Variants in KMT2C observed in about 807,000 individuals in gnomAD.
KMT2C encodes the protein histone-lysine N-methyltransferase 2C.
KMT2C carries 88 observed loss-of-function variants against 507.9 expected under a neutral mutation model. The ratio of observed to expected loss-of-function variants is 0.17; its 90% CI spans 0.15 to 0.21. The LOEUF is 0.21. Ranked by LOEUF, KMT2C falls within the 10% of genes least tolerant of loss-of-function variation. The pLI is 1.00. For synonymous variants in KMT2C, 2,049 were observed against 2,080.8 expected (o/e 0.98, Z 0.42); for missense variants, 4,954 against 5,957.8 (o/e 0.83, Z 5.55).
rs199939847 is a variant in KMT2C, at chr7:152,176,763, G to A, written c.8690C>T (p.Ser2897Phe). The A allele has an allele frequency of 1.9e-6, 3 of 1,614,154 alleles. No homozygotes were observed. The highest frequency in any genetic ancestry group is 3.3e-5 in the Admixed American group (2 of 60,030). Residue 2897 changes from serine to phenylalanine, a missense_variant, in exon 38 of 59, where the codon TCC (serine) becomes TTC (phenylalanine). Ser to Phe is a radical substitution (Grantham distance 155). Transcript: ENST00000262189. ...AGPSANVIQA[S>F]TQLPAQDVIN... is the part of the protein sequence containing the mutation. ...TACATCTTGAGCAGGTAGTTGAGTGGATGCCTGAATGACATTTGCACTGGG... is the reference window on the plus strand; with the variant it reads ...TACATCTTGAGCAGGTAGTTGAGTGAATGCCTGAATGACATTTGCACTGGG...
intron 42 of KMT2C, among the ~76,000 whole-genome samples, chr7:152,165,441 T>G (rs564087523): frequency 6.6e-6 from 1 of 152,312 alleles, no homozygotes; most frequent in African/African-American, 2.4e-5. Flanking sequence ...AAAATATACT[T>G]TATTAAACAT....
chr7:152,419,328 G>C (rs531077611), intron 1 of KMT2C, among the ~76,000 whole-genome samples: 1 of 152,184 alleles, frequency 6.6e-6, no homozygotes, highest in Admixed American at 6.5e-5. Context: ...TCCAGCCTGG[G>C]CAACAGAGCG....
At chr7:152,324,170 G>A (rs2096801865) in intron 3 of KMT2C, among the ~76,000 whole-genome samples, 2 of 151,536 alleles carry the variant, frequency 1.3e-5, no homozygotes, top group African/African-American at 4.8e-5. Flanking sequence ...AGGATACGAA[G>A]GTTGAGACAG....
chr7:152,139,354 G>A (rs539201444), intron 56 of KMT2C, 95 bp from the exon 57 acceptor site: 7 of 1,107,834 alleles, frequency 6.3e-6, no homozygotes, highest in South Asian at 1.3e-5. Flanking sequence ...GAAACTGAAC[G>A]GAACGGCAGC....
intron 1 of KMT2C, chr7:152,368,055 CT>C: frequency 1.2e-6 from 1 of 864,002 alleles, no homozygotes; most frequent in Non-Finnish European, 2.0e-6. Flanking sequence ...AGAAAATAAA[CT>C]TGCTAAAAAG....
chr7:152,182,028 A>G lies in KMT2C; in HGVS notation c.5832T>C (p.Asn1944=), dbSNP rs1016115598. 6.8e-6 allele frequency: 11 copies of G among 1,614,088 alleles called. No homozygotes were observed. Among genetic ancestry groups the G allele is most frequent in the Non-Finnish European group, 8.5e-6 (10 of 1,180,002 alleles). The change falls in exon 36 of 59, where the codon AAT becomes AAC. Residue 1944 remains asparagine (N), a synonymous_variant. Coordinates refer to ENST00000262189, the MANE Select transcript of KMT2C (RefSeq NM_170606.3). ...ATAAATCTCTGACAGGGGATGGCCTATTTGCTGTTGTCTCATTCATTTGAA... is the reference window on the plus strand; with the variant it reads ...ATAAATCTCTGACAGGGGATGGCCTGTTTGCTGTTGTCTCATTCATTTGAA... ...RPLQMNETTA[N]RPSPVRDLCS...
In KMT2C at chr7:152,330,688, C is replaced by T. The variant is rs1341155361; in HGVS notation, c.302G>A (p.Ser101Asn). ...EEDAEAEVDNSKQLIPTLQRS... is the reference protein window; with the variant it reads ...EEDAEAEVDNNKQLIPTLQRS... ...CTGAAGAGTTGGAATTAGCTGTTTG[C>T]TGTTATCCACTTCTGCTTCAGCATC... The change falls in exon 3 of 59, where the codon AGC becomes AAC. Residue 101 changes from serine (S) to asparagine (N), a missense_variant. Ser to Asn is a conservative substitution (Grantham distance 46). Transcript: ENST00000262189. The T allele has an allele frequency of 6.2e-7, 1 of 1,613,850 alleles. No individual in the cohort carries two copies. The highest frequency in any genetic ancestry group is 8.5e-7 in the Non-Finnish European group (1 of 1,179,748).
chr7:152,261,801 T>C (rs774785755), intron 9 of KMT2C, among the ~76,000 whole-genome samples: 5 of 152,218 alleles, frequency 3.3e-5, no homozygotes, highest in Non-Finnish European at 7.4e-5. Flanking sequence ...AGTGTAAATA[T>C]ACAAATCAGT....
chr7:152,336,029 T>C (rs2096931885), intron 2 of KMT2C, among the ~76,000 whole-genome samples: 1 of 152,142 alleles, frequency 6.6e-6, no homozygotes, highest in African/African-American at 2.4e-5. Flanking sequence ...CTAGCTATTA[T>C]TATTACTGGC....
At chr7:152,270,690 T>C (rs544402552) in intron 7 of KMT2C, among the ~76,000 whole-genome samples, 1 of 152,338 alleles carries the variant, frequency 6.6e-6, no homozygotes, top group East Asian at 1.9e-4. Flanking sequence ...GCCATTCAGT[T>C]TTCCTATTCA....
chr7:152,387,042 T>C (rs943074025), intron 1 of KMT2C, among the ~76,000 whole-genome samples: 10 of 152,176 alleles, frequency 6.6e-5, no homozygotes, highest in African/African-American at 2.2e-4. Context: ...TACTTTAAAG[T>C]AAAAAGATAT....
chr7:152,361,339 T>A (rs1454476836), intron 1 of KMT2C, among the ~76,000 whole-genome samples: 2 of 152,144 alleles, frequency 1.3e-5, no homozygotes, highest in African/African-American at 4.8e-5. Flanking sequence ...GGTGGGTGGA[T>A]CACGAGGTCA....
chr7:152,218,510 C>T (rs910157697), intron 23 of KMT2C, among the ~76,000 whole-genome samples: 8 of 152,028 alleles, frequency 5.3e-5, no homozygotes, highest in African/African-American at 1.7e-4. Context: ...TTACCTCTCA[C>T]CTGGACCATT....
At chr7:152,288,648 G>A (rs1292100663) in intron 6 of KMT2C, among the ~76,000 whole-genome samples, 7 of 152,030 alleles carry the variant, frequency 4.6e-5, no homozygotes, top group South Asian at 2.1e-4. Context: ...GGAACATGAC[G>A]CAGCTGAACA....
At chr7:152,309,919 G>T in intron 6 of KMT2C, 47 bp downstream of exon 6, 1 of 1,170,744 alleles carries the variant, frequency 8.5e-7, no homozygotes, top group Non-Finnish European at 1.3e-6. Context: ...TCTGATTAAA[G>T]TGAATGTTAT....
At chr7:152,149,309 G>A (rs752241796) in intron 51 of KMT2C, among the ~76,000 whole-genome samples, 157 bp from the exon 52 acceptor site, 3 of 152,196 alleles carry the variant, frequency 2.0e-5, no homozygotes, top group African/African-American at 4.8e-5. Flanking sequence ...CTCATGCACC[G>A]CAGAAGCTGA....
At chr7:152,281,039 C>G (rs201076208) in intron 6 of KMT2C, among the ~76,000 whole-genome samples, 5 of 151,768 alleles carry the variant, frequency 3.3e-5, no homozygotes, top group African/African-American at 9.7e-5. Context: ...AAAAAGTAAT[C>G]TCTCTATTTG....
intron 6 of KMT2C, among the ~76,000 whole-genome samples, chr7:152,285,172 C>T (rs932649381): frequency 6.6e-6 from 1 of 152,308 alleles, no homozygotes; most frequent in African/African-American, 2.4e-5. Context: ...AGTGAATGGA[C>T]CAATCTCAAA....
At chr7:152,186,576 A>G (rs1015421832) in intron 33 of KMT2C, among the ~76,000 whole-genome samples, 1 of 152,246 alleles carries the variant, frequency 6.6e-6, no homozygotes, top group East Asian at 1.9e-4. Flanking sequence ...ATCCAAATGA[A>G]AAGTCACTTC....
Sources: allele counts gnomAD v4.1 joint callset (sites outside exome capture counted in the v4.1 genomes callset), GRCh38; gene constraint gnomAD v4.1.1; transcripts MANE v1.5; gene names NCBI Gene and HGNC (gene_info 2026-07-23, HGNC 2026-07-21).